The following CUBN variants were observed in gnomAD, a reference collection of about 807,000 sequenced individuals.
The protein encoded by CUBN is cubilin.
In CUBN, 282 loss-of-function variants were observed where a neutral mutation model predicts 405.3. That is an observed-to-expected ratio of 0.70 (90% confidence interval 0.63 to 0.77). The LOEUF (loss-of-function observed/expected upper bound fraction) is 0.77, where lower values mean the gene tolerates loss of function less well. CUBN is among the 30% of genes least tolerant of loss of function. CUBN has a pLI of 0.00. For synonymous variants in CUBN, 1,684 were observed against 1,617.0 expected (o/e 1.04, Z -0.99); for missense variants, 4,514 against 4,475.2 (o/e 1.01, Z -0.25).
At chr10:17,012,558 T>C (rs558732730) in intron 28 of CUBN, among the ~76,000 whole-genome samples, 2 of 152,322 alleles carry the variant, frequency 1.3e-5, no homozygotes, top group Non-Finnish European at 2.9e-5. Flanking sequence ...GAGAAATGCT[T>C]TGAGAGTGTG....
chr10:16,939,303 T>C (rs1370249514), intron 37 of CUBN, among the ~76,000 whole-genome samples, 156 bp from the exon 38 acceptor site: 1 of 152,194 alleles, frequency 6.6e-6, no homozygotes, highest in Admixed American at 6.5e-5. Flanking sequence ...TCCTTTTTGG[T>C]TTCTGGGCTA....
chr10:16,909,078 G>A (rs1281332889), intron 48 of CUBN, among the ~76,000 whole-genome samples: 1 of 151,034 alleles, frequency 6.6e-6, no homozygotes, highest in Non-Finnish European at 1.5e-5. Context: ...GTAGAGACGG[G>A]GTTTCACCTT....
At chr10:16,842,743 T>C (rs1185091030) in intron 60 of CUBN, among the ~76,000 whole-genome samples, 1 of 152,192 alleles carries the variant, frequency 6.6e-6, no homozygotes. Context: ...CAGATCCCCA[T>C]TGCACCTAAA....
intron 29 of CUBN, among the ~76,000 whole-genome samples, chr10:16,986,680 G>T (rs995601561): frequency 2.0e-5 from 3 of 152,098 alleles, no homozygotes; most frequent in Non-Finnish European, 2.9e-5. Flanking sequence ...GTACACATAT[G>T]CAAATGGCAG....
chr10:17,088,106 A>G (rs777889291), intron 15 of CUBN, 58 bp downstream of exon 15: 1 of 1,406,628 alleles, frequency 7.1e-7, no homozygotes, highest in East Asian at 2.4e-5. Context: ...TGGCTAGACC[A>G]TAGTGCCCTG....
At chr10:16,891,373 T>C (rs1389121369) in intron 54 of CUBN, among the ~76,000 whole-genome samples, 1 of 152,002 alleles carries the variant, frequency 6.6e-6, no homozygotes, top group Non-Finnish European at 1.5e-5. Context: ...TTTACCTAAC[T>C]GGGGGAAGTG....
intron 28 of CUBN, among the ~76,000 whole-genome samples, chr10:17,010,419 C>T (rs7898271): frequency 0.6 from 90,773 of 151,196 alleles, 27,276 homozygotes; most frequent in African/African-American, 0.66. Flanking sequence ...GGCAGGAGGA[C>T]TGCTTGAGCT....
At chr10:16,940,503 T>C (rs769815902) in intron 36 of CUBN, among the ~76,000 whole-genome samples, 3 of 152,164 alleles carry the variant, frequency 2.0e-5, no homozygotes, top group African/African-American at 4.8e-5. Flanking sequence ...AAAAAAAATA[T>C]ATAAGGCAGA....
At chr10:16,969,077 G>C (rs1448957367) in intron 31 of CUBN, among the ~76,000 whole-genome samples, 1 of 152,144 alleles carries the variant, frequency 6.6e-6, no homozygotes, top group Admixed American at 6.5e-5. Flanking sequence ...TCTAGAAAAC[G>C]CACTTCTGTG....
Position 16,947,247 on chromosome 10 carries a change from T to C in CUBN, c.5330A>G (p.Gln1777Arg). The C allele has an allele frequency of 6.2e-7, 1 of 1,614,102 alleles. No homozygotes were observed. Among genetic ancestry groups the C allele is most frequent in the Non-Finnish European group, 8.5e-7 (1 of 1,179,972 alleles). The stretch of plus-strand genomic sequence containing the variant: ...AAAAAGGATTTACATAAAAGACAGC[T>C]GGAGCCGGTTGCCAGGGGAACTGAC... Reference protein sequence around the residue: ...NIVSSPGNRLQLSFISFQLED... With the variant: ...NIVSSPGNRLRLSFISFQLED... Residue 1777 changes from glutamine (Q) to arginine (R), a missense_variant, in exon 36 of 67, where the codon CAG (glutamine) becomes CGG (arginine). By Grantham distance (43) the Gln-to-Arg change is conservative (BLOSUM62 1). Transcript: ENST00000377833.
Position 16,902,204 on chromosome 10 carries a change from ATT to A in CUBN, c.8063-747_8063-746del, listed in dbSNP as rs1277576706. ...ATATATTTGTATATATAGTATATATATTTATATATATAGTATATATATGTATA... is the reference window on the plus strand; with the variant it reads ...ATATATTTGTATATATAGTATATATATATATATATAGTATATATATGTATA... On this transcript the variant is annotated intron_variant, in intron 51 of 66. Coordinates refer to ENST00000377833, the MANE Select transcript of CUBN (RefSeq NM_001081.4). Among the ~76,000 whole-genome samples the A allele has an allele frequency of 4.4e-5, 6 of 135,318 alleles. No homozygotes were observed. In the East Asian group the frequency reaches 6.1e-4, roughly 14 times the overall value. 88.8% of individuals were successfully genotyped at this position (135,318 alleles called of 152,430 possible).
chr10:16,854,832 C>T (rs889642000), intron 59 of CUBN, among the ~76,000 whole-genome samples: 1 of 152,170 alleles, frequency 6.6e-6, no homozygotes, highest in East Asian at 1.9e-4. Flanking sequence ...TTCCAGGGAA[C>T]CCCAGAACAA....
intron 59 of CUBN, among the ~76,000 whole-genome samples, chr10:16,862,160 T>TCACACACACACACACA (rs66664283): frequency 2.3e-5 from 3 of 131,164 alleles, no homozygotes; most frequent in African/African-American, 3.3e-5. Flanking sequence ...TCTCTCTCTC[T>TCACACACACACACACA]CACACACACA....
In CUBN at chr10:16,928,533, T is replaced by C. The variant is rs868512913; in HGVS notation, c.6125-230A>G. Among the ~76,000 whole-genome samples the C allele has an allele frequency of 0.023, 600 of 26,328 alleles. 6 individuals are homozygous for C. The highest frequency in any genetic ancestry group is 0.056 in the Middle Eastern group (2 of 36). 17.3% of individuals were successfully genotyped at this position (26,328 alleles called of 152,430 possible). A position where few individuals can be genotyped will look rare whatever the true frequency, so the allele number is the denominator to read the frequency against. ...ACCCCCACCCCACCCCACCCCCCCC[T>C]TTTTTTTTTTTTTTGAGATGGAGTC... On this transcript the variant is annotated intron_variant, in intron 40 of 66. Transcript: ENST00000377833.
chr10:17,070,558 T>C (rs1326881848), intron 19 of CUBN, among the ~76,000 whole-genome samples: 5 of 152,210 alleles, frequency 3.3e-5, no homozygotes, highest in African/African-American at 1.2e-4. Context: ...TTTTATAGTC[T>C]CAGAGGACAA....
chr10:17,071,026 G>C (rs1835726816), intron 19 of CUBN, among the ~76,000 whole-genome samples: 1 of 152,166 alleles, frequency 6.6e-6, no homozygotes, highest in African/African-American at 2.4e-5. Flanking sequence ...ATGAGATTAA[G>C]GAAGGTTCCT....
intron 54 of CUBN, among the ~76,000 whole-genome samples, chr10:16,892,571 A>T (rs565877318): frequency 6.6e-6 from 1 of 152,240 alleles, no homozygotes; most frequent in Non-Finnish European, 1.5e-5. Context: ...AGCTCACCGC[A>T]GCCTCGACCT....
At chr10:17,059,832 T>G (rs1835464878) in intron 22 of CUBN, among the ~76,000 whole-genome samples, 1 of 152,218 alleles carries the variant, frequency 6.6e-6, no homozygotes, top group Non-Finnish European at 1.5e-5. Context: ...AAGTAGCTAT[T>G]GTAAAATTGT....
intron 22 of CUBN, among the ~76,000 whole-genome samples, chr10:17,051,461 A>T (rs1269647215): frequency 2.0e-5 from 3 of 152,194 alleles, no homozygotes; most frequent in African/African-American, 7.2e-5. Flanking sequence ...AAAAAATGTC[A>T]TCTTGTGATT....
Sources: allele counts gnomAD v4.1 joint callset (sites outside exome capture counted in the v4.1 genomes callset), GRCh38; gene constraint gnomAD v4.1.1; transcripts MANE v1.5; gene names NCBI Gene and HGNC (gene_info 2026-07-23, HGNC 2026-07-21).